The following KAZN variants were observed in gnomAD, a reference collection of about 807,000 sequenced individuals.
The protein encoded by KAZN is kazrin, periplakin interacting protein.
A neutral mutation model predicts 87.4 loss-of-function variants in KAZN; 40 were observed. The ratio of observed to expected loss-of-function variants is 0.46; its 90% confidence interval spans 0.36 to 0.60. KAZN has a LOEUF of 0.60. Ranked by LOEUF, KAZN falls within the 20% of genes least tolerant of loss-of-function variation. The probability of loss-of-function intolerance (pLI) is 0.00; values close to 1 mark genes in which losing one functional copy is unlikely to be tolerated. For synonymous variants in KAZN, 466 were observed against 458.3 expected (o/e 1.02, Z -0.22); for missense variants, 898 against 1,073.9 (o/e 0.84, Z 2.29).
chr1:14,095,552 C>T (rs753344106), intron 1 of KAZN, among the ~76,000 whole-genome samples: 1 of 152,152 alleles, frequency 6.6e-6, no homozygotes, highest in Non-Finnish European at 1.5e-5. Flanking sequence ...GGTTGGAAGA[C>T]ATGAAAGGCT....
intron 1 of KAZN, among the ~76,000 whole-genome samples, chr1:14,705,151 C>T (rs1196103060): frequency 2.0e-5 from 3 of 152,180 alleles, no homozygotes; most frequent in African/African-American, 4.8e-5. Context: ...CAGATGGCCT[C>T]CCTCTTGCTG....
chr1:14,882,996 A>G (rs771850254), intron 1 of KAZN, among the ~76,000 whole-genome samples: 28 of 152,026 alleles, frequency 1.8e-4, no homozygotes, highest in Non-Finnish European at 3.2e-4. Context: ...CTCATGGGTA[A>G]CTCAAAAAGT....
chr1:14,655,334 T>C (rs149825061), intron 1 of KAZN, among the ~76,000 whole-genome samples: 45 of 152,342 alleles, frequency 3.0e-4, no homozygotes, highest in African/African-American at 1.1e-3. Context: ...CAAAGTCCCA[T>C]GGCATTGGGT....
intron 1 of KAZN, among the ~76,000 whole-genome samples, chr1:14,796,978 A>G (rs1293555554): frequency 6.6e-6 from 1 of 152,204 alleles, no homozygotes; most frequent in East Asian, 1.9e-4. Context: ...GGGTTAAGCT[A>G]TGTTGATGTA....
At chr1:14,584,012 C>A (rs901547355) in intron 2 of KAZN, among the ~76,000 whole-genome samples, 1 of 152,148 alleles carries the variant, frequency 6.6e-6, no homozygotes, top group African/African-American at 2.4e-5. Flanking sequence ...CAGGTCAGGG[C>A]TCATTATCTT....
rs1350210364 is a variant in KAZN at position 15,115,620 on chromosome 1, A to T, written c.*985A>T. 6.6e-6 allele frequency: 1 copy of T among 152,140 alleles called. No individual in the cohort carries two copies. Among genetic ancestry groups the T allele is most frequent in the Non-Finnish European group, 1.5e-5 (1 of 68,032 alleles). 9.4% of individuals were successfully genotyped at this position (152,140 alleles called of 1,614,324 possible). ...CTGTCACCTGAAACATAGGTGACAT[A>T]GCTCACCAATGTCCTAACCGAGACA... On this transcript the variant is annotated 3_prime_UTR_variant, in exon 15 of 15. Transcript: ENST00000376030. This position sits in a 1 kb window ranked among gnomAD's most constrained non-coding sequence, Gnocchi z 4.1.
At chr1:14,922,893 G>T (rs969176303) in intron 1 of KAZN, among the ~76,000 whole-genome samples, 1 of 152,182 alleles carries the variant, frequency 6.6e-6, no homozygotes, top group African/African-American at 2.4e-5. Context: ...GTGAGGATGC[G>T]GGGGCGGGGG....
intron 1 of KAZN, among the ~76,000 whole-genome samples, chr1:14,902,629 T>C (rs1232472790): frequency 6.6e-6 from 1 of 152,078 alleles, no homozygotes; most frequent in African/African-American, 2.4e-5. Flanking sequence ...TTTACAGACA[T>C]TTTGGAAAGT....
At chr1:14,814,523 A>G (rs1241531478) in intron 1 of KAZN, among the ~76,000 whole-genome samples, 1 of 152,210 alleles carries the variant, frequency 6.6e-6, no homozygotes, top group East Asian at 1.9e-4. Flanking sequence ...CAAAGGCTGC[A>G]TCTTCTATTG....
chr1:14,984,121 C>T (rs1199714865), intron 2 of KAZN, among the ~76,000 whole-genome samples: 1 of 152,004 alleles, frequency 6.6e-6, no homozygotes, highest in African/African-American at 2.4e-5. Flanking sequence ...AATCCAAGCA[C>T]TTTGGGAGGC....
At chr1:14,342,644 G>C (rs376284813) in intron 2 of KAZN, among the ~76,000 whole-genome samples, 2 of 152,160 alleles carry the variant, frequency 1.3e-5, no homozygotes, top group East Asian at 3.9e-4. Context: ...AATGCCGCCT[G>C]CAATAGAAAC....
At position 13,960,641 on chromosome 1, in the gene KAZN, A is replaced by AT. The variant is rs541556026; in HGVS notation, c.91+66888dup. Reference sequence around the variant, plus strand: ...CGCCGGGAGACCAAACCTCAGGATGATTTCCCAAATCGGCTTGTATTTGCT... The same window carrying AT: ...CGCCGGGAGACCAAACCTCAGGATGATTTTCCCAAATCGGCTTGTATTTGCT... On this transcript the variant is annotated intron_variant, in intron 1 of 16. Transcript: ENST00000636203. Among the ~76,000 whole-genome samples the AT allele has an allele frequency of 1.1e-3, 171 of 152,318 alleles. 1 individual carries two copies. The highest frequency in any genetic ancestry group is 3.8e-3 in the African/African-American group (160 of 41,570).
At chr1:14,134,581 C>A (rs1311098101) in intron 1 of KAZN, among the ~76,000 whole-genome samples, 1 of 152,146 alleles carries the variant, frequency 6.6e-6, no homozygotes, top group African/African-American at 2.4e-5. Flanking sequence ...AGTAAAAGAT[C>A]ATTTTATTGG....
intron 1 of KAZN, among the ~76,000 whole-genome samples, chr1:14,093,770 A>G (rs563959658): frequency 6.6e-6 from 1 of 152,342 alleles, no homozygotes; most frequent in East Asian, 1.9e-4. Flanking sequence ...GAAGACCCAA[A>G]AGTAAAGGGA....
intron 1 of KAZN, among the ~76,000 whole-genome samples, chr1:14,602,294 G>A (rs1677040301): frequency 6.6e-6 from 1 of 152,194 alleles, no homozygotes; most frequent in Admixed American, 6.5e-5. Context: ...AATCTGTGTT[G>A]AAAGAATTCC....
At chr1:14,446,241 C>T (rs985233149) in intron 2 of KAZN, among the ~76,000 whole-genome samples, 15 of 151,994 alleles carry the variant, frequency 9.9e-5, no homozygotes, top group African/African-American at 3.6e-4. Context: ...ATGCTGCGTG[C>T]TAATTTGAGC....
chr1:14,772,063 T>C (rs949485365), intron 1 of KAZN, among the ~76,000 whole-genome samples: 1 of 152,160 alleles, frequency 6.6e-6, no homozygotes. Flanking sequence ...TGGTGGAGGA[T>C]GGAAGACCTT....
At chr1:15,101,485 C>T (rs1226838026) in intron 10 of KAZN, 58 bp from the exon 11 acceptor site, 5 of 1,180,184 alleles carry the variant, frequency 4.2e-6, no homozygotes, top group African/African-American at 3.0e-5. Flanking sequence ...TCTGCCCGTC[C>T]GTCTGTTTCT....
chr1:15,062,867 G>T (rs961285084), intron 6 of KAZN: 1 of 152,174 alleles, frequency 6.6e-6, no homozygotes, highest in Admixed American at 6.5e-5. Flanking sequence ...GTCGTCTGAG[G>T]CTCCCTAGGA....
Sources: gnomAD v4.1 joint callset for allele counts (sites outside exome capture counted in the v4.1 genomes callset) on GRCh38, gnomAD v4.1.1 for gene constraint, Gnocchi (gnomAD v3.1) non-coding constraint, MANE v1.5 for transcripts, NCBI Gene and HGNC (gene_info 2026-07-23, HGNC 2026-07-21) for gene names.